The following VRK2 variants were observed in gnomAD, a reference collection of about 807,000 sequenced individuals.
The protein encoded by VRK2 is serine/threonine-protein kinase VRK2.
VRK2 carries 60 observed loss-of-function variants against 57.6 expected under a neutral mutation model. The ratio of observed to expected loss-of-function variants is 1.04; its 90% CI spans 0.85 to 1.29. The LOEUF is 1.29. Ranked by LOEUF, VRK2 falls within the 50% of genes most tolerant of loss-of-function variation. The pLI, the probability that VRK2 is intolerant of heterozygous loss-of-function variation, is 0.00. For missense variants in VRK2, 705 were observed against 588.1 expected (o/e 1.20, Z -2.06); for synonymous variants, 231 against 199.2 (o/e 1.16, Z -1.35).
chr2:58,123,046 G>T (rs2104490801), intron 7 of VRK2, 55 bp from the exon 8 acceptor site: 4 of 1,549,884 alleles, frequency 2.6e-6, no homozygotes, highest in Non-Finnish European at 3.5e-6. Context: ...TAATTATAAA[G>T]GTTATGTTTT....
intron 1 of VRK2, among the ~76,000 whole-genome samples, chr2:58,020,485 G>A (rs115677037): frequency 3.9e-4 from 60 of 152,360 alleles, no homozygotes; most frequent in African/African-American, 1.4e-3. Flanking sequence ...GATTACAGGT[G>A]CAAAGCACCA....
At chr2:57,916,562 T>C (rs549625650) in intron 1 of VRK2, among the ~76,000 whole-genome samples, 134 of 152,030 alleles carry the variant, frequency 8.8e-4, no homozygotes, top group Non-Finnish European at 1.6e-3. Context: ...ATAATAATAA[T>C]AGCACTACAA....
intron 12 of VRK2, among the ~76,000 whole-genome samples, chr2:58,158,128 T>C (rs911025323): frequency 2.0e-5 from 3 of 152,122 alleles, no homozygotes; most frequent in Non-Finnish European, 4.4e-5. Flanking sequence ...TAAGTGGAGA[T>C]ATCTCCCAGC....
chr2:58,159,196 G>T (rs1290468197), intron 12 of VRK2, 153 bp from the exon 13 acceptor site: 2 of 574,012 alleles, frequency 3.5e-6, no homozygotes, highest in East Asian at 2.9e-5. Flanking sequence ...AAATCTTTAA[G>T]ATCTTTACCT....
chr2:58,020,137 A>G (rs1035759313), intron 1 of VRK2, among the ~76,000 whole-genome samples: 2 of 152,248 alleles, frequency 1.3e-5, no homozygotes, highest in Non-Finnish European at 2.9e-5. Flanking sequence ...TGATGCTTCC[A>G]TATAATCAAG....
At chr2:58,026,898 TTTTG>T (rs1182507259) in intron 2 of VRK2, 30 of 151,490 alleles carry the variant, frequency 2.0e-4, no homozygotes, top group African/African-American at 7.3e-4. Context: ...TCTTTTTTTT[TTTTG>T]TTTGTTTGTA....
chr2:58,124,627 A>G (rs1470052628), intron 8 of VRK2, among the ~76,000 whole-genome samples: 1 of 152,218 alleles, frequency 6.6e-6, no homozygotes, highest in Non-Finnish European at 1.5e-5. Context: ...ACAACTGTAT[A>G]TTATTGCCTT....
intron 1 of VRK2, among the ~76,000 whole-genome samples, chr2:58,018,876 C>A (rs1392907981): frequency 6.6e-6 from 1 of 152,198 alleles, no homozygotes; most frequent in East Asian, 1.9e-4. Context: ...CCCAGGACCT[C>A]AGCACTTCCC....
Position 58,159,491 on chromosome 2 carries a change from T to C in VRK2, c.1325T>C (p.Phe442Ser). The C allele has an allele frequency of 6.2e-7, 1 of 1,613,692 alleles. No individual in the cohort carries two copies. The highest frequency in any genetic ancestry group is 2.2e-5 in the East Asian group (1 of 44,850). ...PHQDFTSPDI[F>S]KKSRSPSWYK... ...CAAGATTTTACCAGTCCAGATATAT[T>C]CAAGAAGTCAAGATCTCCATCTTGG... The change falls in exon 13 of 13, where the codon TTC (phenylalanine) becomes TCC (serine). Residue 442 changes from phenylalanine (F) to serine (S), a missense_variant. Physicochemically the swap from Phe to Ser is radical, Grantham distance 155. Transcript: ENST00000340157.
chr2:58,054,445 A>G (rs1215175479), intron 2 of VRK2, among the ~76,000 whole-genome samples: 2 of 151,826 alleles, frequency 1.3e-5, no homozygotes, highest in Non-Finnish European at 2.9e-5. Context: ...TCTTCCTGAA[A>G]TGAGCTCACC....
intron 2 of VRK2, among the ~76,000 whole-genome samples, chr2:58,074,458 T>A (rs530833488): frequency 1.8e-4 from 27 of 152,224 alleles, no homozygotes; most frequent in African/African-American, 6.5e-4. Context: ...AATTCTTCTT[T>A]AGAAATTTTT....
At chr2:58,020,258 C>T (rs1673710207) in intron 1 of VRK2, among the ~76,000 whole-genome samples, 4 of 152,314 alleles carry the variant, frequency 2.6e-5, no homozygotes, top group South Asian at 2.1e-4. Context: ...TTGTCCCGGC[C>T]TGGAGGGCAG....
chr2:58,100,973 C>G, intron 7 of VRK2, among the ~76,000 whole-genome samples: 1 of 151,518 alleles, frequency 6.6e-6, no homozygotes, highest in Non-Finnish European at 1.5e-5. Context: ...TAACATGGGC[C>G]AAACCAGATT....
At chr2:58,110,629 A>G (rs1675413787) in intron 7 of VRK2, among the ~76,000 whole-genome samples, 1 of 152,070 alleles carries the variant, frequency 6.6e-6, no homozygotes, top group Non-Finnish European at 1.5e-5. Flanking sequence ...TAATACTGAG[A>G]TAGAATTAGG....
chr2:57,960,139 T>C (rs1366835121), intron 1 of VRK2, among the ~76,000 whole-genome samples: 1 of 152,120 alleles, frequency 6.6e-6, no homozygotes, highest in East Asian at 1.9e-4. Context: ...AATGCTTCCG[T>C]GCCCCTGTGT....
chr2:58,021,690 T>G (rs1443524129), intron 1 of VRK2, among the ~76,000 whole-genome samples: 1 of 152,196 alleles, frequency 6.6e-6, no homozygotes, highest in Non-Finnish European at 1.5e-5. Flanking sequence ...ATCAGTGGAT[T>G]GAATTTTCAG....
chr2:58,127,613 A>T (rs1170019242), intron 8 of VRK2, among the ~76,000 whole-genome samples: 1 of 152,244 alleles, frequency 6.6e-6, no homozygotes, highest in Non-Finnish European at 1.5e-5. Context: ...ATAGGTTACC[A>T]GTTGGAAAAC....
chr2:58,137,242 CAT>C (rs1491310250), intron 10 of VRK2, among the ~76,000 whole-genome samples: 1 of 119,024 alleles, frequency 8.4e-6, no homozygotes, highest in East Asian at 2.4e-4. Flanking sequence ...ACATATATAT[CAT>C]ATATATGATA....
intron 1 of VRK2, among the ~76,000 whole-genome samples, chr2:57,954,758 C>G (rs770062078): frequency 1.3e-5 from 2 of 151,856 alleles, no homozygotes; most frequent in Admixed American, 6.6e-5. Flanking sequence ...CCTGATGGAA[C>G]TTGAAATGTA....
Sources: allele counts gnomAD v4.1 joint callset (sites outside exome capture counted in the v4.1 genomes callset), GRCh38; gene constraint gnomAD v4.1.1; transcripts MANE v1.5; gene names NCBI Gene and HGNC (gene_info 2026-07-23, HGNC 2026-07-21).